The following DCAF8 variants were observed in gnomAD, a reference collection of about 807,000 sequenced individuals.
The protein encoded by DCAF8 is DDB1- and CUL4-associated factor 8.
Under a neutral mutation model 68.0 loss-of-function variants are expected in DCAF8, and 20 were observed. The observed-to-expected ratio is 0.29, with a 90% CI of 0.21 to 0.43. The LOEUF (loss-of-function observed/expected upper bound fraction) is 0.43, where lower values mean the gene tolerates loss of function less well. Ranked by LOEUF, DCAF8 falls within the 20% of genes least tolerant of loss-of-function variation. The pLI is 1.00. For synonymous variants in DCAF8, 230 were observed against 276.9 expected (o/e 0.83, Z 1.68); for missense variants, 460 against 771.0 (o/e 0.60, Z 4.78).
intron 7 of DCAF8, among the ~76,000 whole-genome samples, chr1:160,228,203 A>G (rs1424921135): frequency 1.3e-5 from 2 of 150,230 alleles, no homozygotes; most frequent in East Asian, 3.9e-4. Context: ...CTCTAGTTTT[A>G]TAGTCATGAG....
At chr1:160,235,493 A>C (rs1278053533) in intron 6 of DCAF8, among the ~76,000 whole-genome samples, 1 of 151,990 alleles carries the variant, frequency 6.6e-6, no homozygotes, top group African/African-American at 2.4e-5. Context: ...GGTAAAGGTT[A>C]AATAAACTGT....
At chr1:160,249,176 G>A (rs150980240) in intron 2 of DCAF8, among the ~76,000 whole-genome samples, 5,047 of 151,954 alleles carry the variant, frequency 0.033, 121 homozygotes, top group Non-Finnish European at 0.051. Flanking sequence ...GGGCAACAGA[G>A]GAGACTCCAT....
intron 7 of DCAF8, among the ~76,000 whole-genome samples, 184 bp from the exon 8 acceptor site, chr1:160,225,847 A>C (rs2101721648): frequency 6.6e-6 from 1 of 151,944 alleles, no homozygotes; most frequent in Non-Finnish European, 1.5e-5. Context: ...CAAACCCTAA[A>C]TCTTTTGTTT....
At position 160,239,793 on chromosome 1, in the gene DCAF8, G is replaced by A; in HGVS notation, c.627C>T (p.Ala209=). 9 of 1,614,232 alleles carry A rather than the reference G, an allele frequency of 5.6e-6. No individual in the cohort carries two copies. Among genetic ancestry groups the A allele is most frequent in the Non-Finnish European group, 6.8e-6 (8 of 1,180,040 alleles). ...CCACCTTCAGGTCATCGCTGCCACT[G>A]GCCAGCCAGGTGCCGCGCTGGTTAA... ...LHFNQRGTWL[A]SGSDDLKVVV... Residue 209 remains alanine (A), a synonymous_variant, in exon 4 of 14, where the codon GCC becomes GCT. Coordinates refer to ENST00000368074, the MANE Select transcript of DCAF8 (RefSeq NM_015726.4).
At chr1:160,221,974 G>C (rs1655314060) in intron 11 of DCAF8, among the ~76,000 whole-genome samples, 1 of 152,150 alleles carries the variant, frequency 6.6e-6, no homozygotes. Flanking sequence ...ATACGATCAT[G>C]GGTTATACAG....
At chr1:160,221,603 G>A (rs1655299477) in intron 11 of DCAF8, among the ~76,000 whole-genome samples, 1 of 152,064 alleles carries the variant, frequency 6.6e-6, no homozygotes, top group African/African-American at 2.4e-5. Context: ...ACCTCATCAA[G>A]AGATGGCTAG....
At chr1:160,249,312 G>T (rs1158078133) in intron 2 of DCAF8, among the ~76,000 whole-genome samples, 1 of 152,084 alleles carries the variant, frequency 6.6e-6, no homozygotes, top group Non-Finnish European at 1.5e-5. Flanking sequence ...TATTTGAATG[G>T]TCAAAAATTG....
chr1:160,222,644 T>C lies in DCAF8; in HGVS notation c.1440+7A>G. The C allele has an allele frequency of 6.2e-7, 1 of 1,613,960 alleles. No homozygotes were observed. The highest frequency in any genetic ancestry group is 8.5e-7 in the Non-Finnish European group (1 of 1,179,924). On this transcript the variant is annotated splice_region_variant and intron_variant, in intron 11 of 13. Transcript: ENST00000368074. ...GGGAGCCAGCCAGCTCAGCACACCA[T>C]ACTCACCACGCCTCCCTTGTCCCCC...
rs1260336647 is a variant in DCAF8 at position 160,225,663 on chromosome 1, C to A, written c.1071G>T (p.Arg357Ser). 1 of 1,611,890 alleles carries A rather than the reference C, an allele frequency of 6.2e-7. No individual in the cohort carries two copies. The highest frequency in any genetic ancestry group is 1.3e-5 in the African/African-American group (1 of 74,870). Residue 357 changes from arginine (R) to serine (S), a missense_variant and splice_region_variant, in exon 8 of 14, where the codon AGG becomes AGT. Arg to Ser is a moderately radical substitution (Grantham distance 110). This residue lies in a region of DCAF8 where 170 missense variants were observed against 318.2 expected (regional missense o/e 0.53). Transcript: ENST00000368074. ...FAVGGRDQFV[R>S]IYDQRKIDEN... is the part of the protein sequence containing the mutation. ...CATCAATTTTCCTCTGGTCATAAATCCTACAGTTGGAAAAGCAATGAAAAT... is the reference window on the plus strand; with the variant it reads ...CATCAATTTTCCTCTGGTCATAAATACTACAGTTGGAAAAGCAATGAAAAT...
Position 160,237,120 on chromosome 1 carries a change from T to C in DCAF8, c.959+15A>G. On this transcript the variant is annotated intron_variant, in intron 6 of 13. Transcript: ENST00000368074. The stretch of plus-strand genomic sequence containing the variant: ...AAGAGATACAGTTCTGTAATGATAT[T>C]ACTGCTACACTTACGACGCTGGGCG... The C allele has an allele frequency of 6.5e-7, 1 of 1,530,354 alleles. No individual in the cohort carries two copies. Among genetic ancestry groups the C allele is most frequent in the Non-Finnish European group, 8.9e-7 (1 of 1,127,052 alleles). 94.8% of individuals were successfully genotyped at this position (1,530,354 alleles called of 1,614,324 possible). A position where few individuals can be genotyped will look rare whatever the true frequency, so the allele number is the denominator to read the frequency against.
intron 2 of DCAF8, among the ~76,000 whole-genome samples, chr1:160,257,927 C>T (rs1656903282): frequency 6.6e-6 from 1 of 152,164 alleles, no homozygotes; most frequent in Non-Finnish European, 1.5e-5. Flanking sequence ...GACAAGGTCT[C>T]AATATTGCCT....
chr1:160,239,168 T>G, intron 4 of DCAF8: 1 of 1,068,410 alleles, frequency 9.4e-7, no homozygotes, highest in East Asian at 7.7e-5. Flanking sequence ...CTGGTACCAG[T>G]ACAGTAGATG....
At chr1:160,252,305 G>A (rs1394430811) in intron 2 of DCAF8, among the ~76,000 whole-genome samples, 1 of 152,224 alleles carries the variant, frequency 6.6e-6, no homozygotes, top group Non-Finnish European at 1.5e-5. Flanking sequence ...ATAGAATGCT[G>A]TTGTGGTTGA....
At chr1:160,217,755 G>A in intron 13 of DCAF8, 47 bp from the exon 14 acceptor site, 1 of 1,494,318 alleles carries the variant, frequency 6.7e-7, no homozygotes, top group East Asian at 2.3e-5. Context: ...ATGGAACAAG[G>A]ACAAGCCTGT....
intron 2 of DCAF8, among the ~76,000 whole-genome samples, chr1:160,259,525 C>T (rs1656978575): frequency 8.5e-6 from 1 of 117,572 alleles, no homozygotes; most frequent in Admixed American, 8.5e-5. Flanking sequence ...GAGCAAGACT[C>T]GTCAAAAAAC....
In DCAF8 at chr1:160,219,205, T is replaced by C. The variant is rs1571077306; in HGVS notation, c.1441-237A>G. ...TTCCTATGTATAGGTCGGGGGTGGCTTCATCCCCAGATATGGCCCTAGGGG... is the reference window on the plus strand; with the variant it reads ...TTCCTATGTATAGGTCGGGGGTGGCCTCATCCCCAGATATGGCCCTAGGGG... On this transcript the variant is annotated intron_variant, in intron 11 of 13. Coordinates refer to ENST00000368074, the MANE Select transcript of DCAF8 (RefSeq NM_015726.4). 6.7e-6 allele frequency: 3 copies of C among 449,198 alleles called. No individual in the cohort carries two copies. In the East Asian group the frequency reaches 1.1e-4, roughly 16 times the overall value. The allele number at this position is 449,198 out of a possible 1,614,324, so 27.8% of individuals were successfully genotyped here. A position where few individuals can be genotyped will look rare whatever the true frequency, so the allele number is the denominator to read the frequency against.
rs572755749 is a variant in DCAF8 at position 160,254,257 on chromosome 1, G to A, written c.-27+7028C>T. Among the ~76,000 whole-genome samples the A allele has an allele frequency of 3.7e-4, 56 of 152,108 alleles. No homozygotes were observed. The South Asian group carries it at 0.012, about 32-fold the overall frequency. The stretch of plus-strand genomic sequence containing the variant: ...GAATCGCATGAAACTGGAAGGCAGA[G>A]GTTGCAATGAGCCAAGATTGTGCCA... On this transcript the variant is annotated intron_variant, in intron 2 of 13. Coordinates refer to ENST00000368074, the MANE Select transcript of DCAF8 (RefSeq NM_015726.4).
In DCAF8 at chr1:160,240,062, G is replaced by A. The variant is rs199677055; in HGVS notation, c.358C>T (p.Arg120Cys). The A allele has an allele frequency of 6.3e-5, 101 of 1,614,232 alleles. No homozygotes were observed. Among genetic ancestry groups the A allele is most frequent in the Admixed American group, 1.2e-4 (7 of 60,032 alleles). The change falls in exon 4 of 14, where the codon CGC becomes TGC. Residue 120 changes from arginine (R) to cysteine (C), a missense_variant. This residue lies in a region of DCAF8 where 156 missense variants were observed against 181.4 expected (regional missense o/e 0.86). Transcript: ENST00000368074. ...TCCTGGTCACGGTTAGCCCGCTTGCGCTGTACACGGCGCCGAGGCTGCTCT... is the reference window on the plus strand; with the variant it reads ...TCCTGGTCACGGTTAGCCCGCTTGCACTGTACACGGCGCCGAGGCTGCTCT... ...EEEQPRRRVQ[R>C]KRANRDQDSS...
chr1:160,239,534 A>T, intron 4 of DCAF8, 163 bp downstream of exon 4: 1 of 1,537,226 alleles, frequency 6.5e-7, no homozygotes. Context: ...GGTTGCCAAG[A>T]GTCTTTCAGT....
Sources: allele counts gnomAD v4.1 joint callset (sites outside exome capture counted in the v4.1 genomes callset), GRCh38; gene constraint gnomAD v4.1.1; regional missense constraint gnomAD v4.1.1; transcripts MANE v1.5; gene names NCBI Gene and HGNC (gene_info 2026-07-23, HGNC 2026-07-21).